MYCBPAP: variants seen among roughly 807,000 people sequenced by gnomAD.
MYCBPAP encodes MYCBP-associated protein.
A neutral mutation model predicts 106.1 loss-of-function variants in MYCBPAP; 60 were observed. The ratio of observed to expected loss-of-function variants is 0.57; its 90% CI spans 0.46 to 0.70. The LOEUF (loss-of-function observed/expected upper bound fraction) is 0.70, where lower values mean the gene tolerates loss of function less well. MYCBPAP is among the 30% of genes least tolerant of loss of function. MYCBPAP has a pLI of 0.00. For missense variants in MYCBPAP, 1,064 were observed against 1,169.3 expected (o/e 0.91, Z 1.31); for synonymous variants, 407 against 440.6 (o/e 0.92, Z 0.95).
chr17:50,525,363 G>A (rs2034423169), intron 13 of MYCBPAP, among the ~76,000 whole-genome samples: 1 of 152,176 alleles, frequency 6.6e-6, no homozygotes, highest in Admixed American at 6.5e-5. Flanking sequence ...AAAAGGTTGG[G>A]GACTGCTGCC....
intron 1 of MYCBPAP, among the ~76,000 whole-genome samples, chr17:50,511,574 G>A (rs752296035): frequency 6.6e-5 from 10 of 152,142 alleles, no homozygotes; most frequent in African/African-American, 1.4e-4. Flanking sequence ...TCCGTATCTC[G>A]CTTCCTACCC....
intron 18 of MYCBPAP, chr17:50,530,176 C>G (rs1357878957): frequency 2.4e-6 from 1 of 420,570 alleles, no homozygotes; most frequent in Non-Finnish European, 4.7e-6. Context: ...AACGTCAACC[C>G]TTCCATGGCT....
At chr17:50,519,119 G>A (rs951760860) in intron 6 of MYCBPAP, 30 bp downstream of exon 6, 11 of 1,405,564 alleles carry the variant, frequency 7.8e-6, no homozygotes, top group Admixed American at 1.8e-5. Context: ...GTGCCCGGGG[G>A]CAGGGGGGTC....
intron 1 of MYCBPAP, chr17:50,510,536 T>TATATATATAA (rs2033808482): frequency 7.4e-6 from 1 of 135,266 alleles, no homozygotes; most frequent in East Asian, 2.1e-4. Flanking sequence ...TATATATATA[T>TATATATATAA]GTATTTTGAG....
rs771097885 is a variant in MYCBPAP, at chr17:50,527,439, C to G, written c.2291+31C>G. 1.9e-6 allele frequency: 3 copies of G among 1,612,258 alleles called. No homozygotes were observed. The African/African-American group carries it at 4.0e-5, about 22-fold the overall frequency. On this transcript the variant is annotated intron_variant, in intron 15 of 18. Transcript: ENST00000323776. ...TGCCCTGCCAGGAGAGCTGCCCCATCTCCTTCCCTTTGTGGCATCTGCAGG... is the reference window on the plus strand; with the variant it reads ...TGCCCTGCCAGGAGAGCTGCCCCATGTCCTTCCCTTTGTGGCATCTGCAGG...
chr17:50,519,609 G>A, intron 6 of MYCBPAP, 31 bp from the exon 7 acceptor site: 1 of 1,612,940 alleles, frequency 6.2e-7, no homozygotes, highest in Non-Finnish European at 8.5e-7. Flanking sequence ...AGGTGTCCTG[G>A]TAATCTGACT....
At chr17:50,507,926 TA>T, upstream of MYCBPAP, among the ~76,000 whole-genome samples, 1 of 152,164 alleles carries the variant, frequency 6.6e-6, no homozygotes. Flanking sequence ...AAACTTAAAA[TA>T]ATCAGAGGCA....
rs398100536 is a variant in MYCBPAP at position 50,519,143 on chromosome 17, G to GA, written c.768+54_768+55insA. On this transcript the variant is annotated intron_variant, in intron 6 of 18. Coordinates refer to ENST00000323776, the MANE Select transcript of MYCBPAP (RefSeq NM_032133.6). The stretch of plus-strand genomic sequence containing the variant: ...GGCAGGGGGGTCCATGGAGGAGGGG[G>GA]CGGGGGCAGGTGTCTGGACACAGGG... The GA allele has an allele frequency of 1.0e-5, 13 of 1,258,658 alleles. 1 individual carries two copies. The highest frequency in any genetic ancestry group is 2.1e-4 in the Middle Eastern group (1 of 4,658). 78.0% of individuals were successfully genotyped at this position (1,258,658 alleles called of 1,614,324 possible).
At chr17:50,516,374 C>G (rs542082731) in intron 1 of MYCBPAP, among the ~76,000 whole-genome samples, 196 bp from the exon 2 acceptor site, 20 of 152,326 alleles carry the variant, frequency 1.3e-4, no homozygotes, top group South Asian at 8.3e-4. Context: ...TAGGGGGACC[C>G]TCCAGAGAGA....
intron 1 of MYCBPAP, among the ~76,000 whole-genome samples, chr17:50,513,240 A>AAT (rs1567881433): frequency 1.3e-5 from 2 of 148,798 alleles, no homozygotes; most frequent in African/African-American, 5.0e-5. Context: ...AAAAAAAAAA[A>AAT]GCTGGGCATG....
intron 5 of MYCBPAP, 36 bp downstream of exon 5, chr17:50,518,760 A>G (rs1358915084): frequency 1.3e-6 from 2 of 1,552,676 alleles, no homozygotes; most frequent in Non-Finnish European, 8.7e-7. Context: ...CCCGGCCTCC[A>G]TCTGGCAGCA....
Position 50,525,943 on chromosome 17 carries a change from G to A in MYCBPAP, c.1845G>A (p.Leu615=). 6.2e-7 allele frequency: 1 copy of A among 1,613,580 alleles called. No individual in the cohort carries two copies. Among genetic ancestry groups the A allele is most frequent in the Non-Finnish European group, 8.5e-7 (1 of 1,180,008 alleles). The change falls in exon 14 of 19, where the codon CTG becomes CTA. Residue 615 remains leucine, a synonymous_variant. Coordinates refer to ENST00000323776, the MANE Select transcript of MYCBPAP (RefSeq NM_032133.6). Reference sequence around the variant, plus strand: ...AACTGTGGCGCCAGTACATGACCCTGCCCGCCAAGGCTGAGGAGGCCAGGC... The same window carrying A: ...AACTGTGGCGCCAGTACATGACCCTACCCGCCAAGGCTGAGGAGGCCAGGC... ...LHQLWRQYMT[L]PAKAEEARPG...
rs2034141235 is a variant in MYCBPAP, at chr17:50,518,640, T to G, written c.568T>G (p.Trp190Gly). 3 of 1,610,792 alleles carry G rather than the reference T, an allele frequency of 1.9e-6. No homozygotes were observed. The highest frequency in any genetic ancestry group is 2.5e-6 in the Non-Finnish European group (3 of 1,178,980). Residue 190 changes from tryptophan to glycine, a missense_variant, in exon 5 of 19, where the codon TGG becomes GGG. Trp to Gly is a radical substitution (Grantham distance 184). Coordinates refer to ENST00000323776, the MANE Select transcript of MYCBPAP (RefSeq NM_032133.6). ...KAPKEEKRPPWAPPPQHNFLK... is the reference protein window; with the variant it reads ...KAPKEEKRPPGAPPPQHNFLK... The stretch of plus-strand genomic sequence containing the variant: ...CCCAAAAGAAGAGAAGAGACCTCCC[T>G]GGGCCCCACCTCCTCAGCACAACTT...
chr17:50,518,552 GA>G lies in MYCBPAP; in HGVS notation c.481del (p.Ile161TyrfsTer7). 6.3e-7 allele frequency: 1 copy of G among 1,579,628 alleles called. No homozygotes were observed. The highest frequency in any genetic ancestry group is 8.6e-7 in the Non-Finnish European group (1 of 1,167,080). On this transcript the variant is annotated frameshift_variant, in exon 5 of 19. Coordinates refer to ENST00000323776, the MANE Select transcript of MYCBPAP (RefSeq NM_032133.6). LOFTEE classifies it high-confidence loss of function. Reference protein sequence around the residue: ...ARGNTQLAERIPTSPCLMTLI... With the variant: ...ARGNTQLAERXPTSPCLMTLI... ...GTTGTACTTTTCAGCTGGCTGAGCG[GA>G]TACCTACCTCACCCTGTCTGATGAC...
intron 9 of MYCBPAP, 137 bp from the exon 10 acceptor site, chr17:50,521,836 G>A: frequency 1.4e-6 from 1 of 704,242 alleles, no homozygotes; most frequent in Non-Finnish European, 2.4e-6. Flanking sequence ...AAGCTGCGTG[G>A]GAGTGGAGTT....
intron 1 of MYCBPAP, among the ~76,000 whole-genome samples, chr17:50,514,267 A>T (rs182895652): frequency 5.9e-5 from 9 of 152,272 alleles, no homozygotes; most frequent in East Asian, 5.8e-4. Context: ...GAAATTTCCT[A>T]AAAAAAGTTG....
Position 50,508,564 on chromosome 17 carries a change from G to T in MYCBPAP, c.-111G>T. ...TCGGTGGATGCGCGCCCCCGCGCGG[G>T]GCACCGGTTGCTGTGGACGCAGTGG... On this transcript the variant is annotated 5_prime_UTR_variant, in exon 1 of 19. Transcript: ENST00000323776. 6.5e-7 allele frequency: 1 copy of T among 1,546,856 alleles called. No homozygotes were observed. Among genetic ancestry groups the T allele is most frequent in the Non-Finnish European group, 8.7e-7 (1 of 1,145,866 alleles).
chr17:50,525,659 CT>C (rs112712266), intron 13 of MYCBPAP, among the ~76,000 whole-genome samples: 19 of 131,358 alleles, frequency 1.4e-4, no homozygotes, highest in South Asian at 2.4e-4. Context: ...GCTAATTTCT[CT>C]TTTTTTTTTT....
chr17:50,519,059 C>T lies in MYCBPAP; in HGVS notation c.738C>T (p.Asp246=), dbSNP rs1190337996. 3 of 1,613,514 alleles carry T rather than the reference C, an allele frequency of 1.9e-6. No homozygotes were observed. The highest frequency in any genetic ancestry group is 2.5e-6 in the Non-Finnish European group (3 of 1,179,942). ...RRIQEERELI[D]CTLPTRRDRK... is the part of the protein sequence containing the mutation. ...TCCAGGAGGAGCGGGAGCTCATTGA[C>T]TGCACACTTCCAACCCGGCGTGATA... Residue 246 remains aspartate, a synonymous_variant, in exon 6 of 19, where the codon GAC becomes GAT. Coordinates refer to ENST00000323776, the MANE Select transcript of MYCBPAP (RefSeq NM_032133.6).
Sources: gnomAD v4.1 joint callset for allele counts (sites outside exome capture counted in the v4.1 genomes callset) on GRCh38, gnomAD v4.1.1 for gene constraint, MANE v1.5 for transcripts, NCBI Gene and HGNC (gene_info 2026-07-23, HGNC 2026-07-21) for gene names.